SLC20A2: variants seen among roughly 807,000 people sequenced by gnomAD.
The protein encoded by SLC20A2 is solute carrier family 20 member 2.
SLC20A2 carries 30 observed loss-of-function variants against 61.0 expected under a neutral mutation model. The ratio of observed to expected loss-of-function variants is 0.49; its 90% CI spans 0.37 to 0.67. The LOEUF is 0.67. Among genes scored for constraint, SLC20A2 ranks in the 30% least tolerant of loss-of-function variants. The probability of loss-of-function intolerance (pLI) is 0.00; values close to 1 mark genes in which losing one functional copy is unlikely to be tolerated. For synonymous variants in SLC20A2, 351 were observed against 353.3 expected (o/e 0.99, Z 0.07); for missense variants, 626 against 866.4 (o/e 0.72, Z 3.48).
chr8:42,467,612 A>G (rs1807276581), intron 2 of SLC20A2, among the ~76,000 whole-genome samples: 1 of 152,210 alleles, frequency 6.6e-6, no homozygotes, highest in Non-Finnish European at 1.5e-5. Flanking sequence ...TGCAGGACCC[A>G]GTCCATGAAG....
Position 42,457,902 on chromosome 8 carries a change from T to C in SLC20A2, c.613+1994A>G, listed in dbSNP as rs530528095. 2.0e-5 allele frequency among the ~76,000 whole-genome samples: 3 copies of C among 152,298 alleles called. No homozygotes were observed. The South Asian group carries it at 6.2e-4, about 32-fold the overall frequency. On this transcript the variant is annotated intron_variant, in intron 5 of 10. Transcript: ENST00000520262. Reference sequence around the variant, plus strand: ...ATTCCCAGTACTGAAACATATAAAATATAATTAGATATTCTTAATAAAATC... The same window carrying C: ...ATTCCCAGTACTGAAACATATAAAACATAATTAGATATTCTTAATAAAATC...
chr8:42,451,511 TGA>T (rs1805647822), intron 5 of SLC20A2, among the ~76,000 whole-genome samples: 3 of 101,526 alleles, frequency 3.0e-5, no homozygotes, highest in East Asian at 3.0e-4. Flanking sequence ...AAGGAAGAGA[TGA>T]GGAGGAGGAG....
chr8:42,458,951 C>CCT (rs1331860200), intron 5 of SLC20A2, among the ~76,000 whole-genome samples: 1 of 134,228 alleles, frequency 7.5e-6, no homozygotes, highest in East Asian at 2.5e-4. Flanking sequence ...CCCCCCCCCC[C>CCT]ACAAAAAACC....
intron 1 of SLC20A2, among the ~76,000 whole-genome samples, chr8:42,531,131 G>A (rs1399545666): frequency 6.6e-6 from 1 of 152,160 alleles, no homozygotes; most frequent in Non-Finnish European, 1.5e-5. Flanking sequence ...ATTCAACTGT[G>A]AGCCTCCAGA....
rs538953691 is a variant in SLC20A2, at chr8:42,528,699, G to A, written c.-265+13122C>T. Reference sequence around the variant, plus strand: ...TTAATTTTTTTTGAGATGGAGTTTCGCTCATTGCCCAGGCTGGAGTGCAGT... The same window carrying A: ...TTAATTTTTTTTGAGATGGAGTTTCACTCATTGCCCAGGCTGGAGTGCAGT... On this transcript the variant is annotated intron_variant, in intron 1 of 10. Coordinates refer to the SLC20A2 transcript ENST00000342228. Among the ~76,000 whole-genome samples the A allele has an allele frequency of 2.0e-5, 3 of 151,376 alleles. No homozygotes were observed. In the South Asian group the frequency reaches 6.3e-4, roughly 32 times the overall value.
At chr8:42,451,576 A>G (rs1425540526) in intron 5 of SLC20A2, among the ~76,000 whole-genome samples, 5 of 128,882 alleles carry the variant, frequency 3.9e-5, no homozygotes, top group African/African-American at 1.5e-4. Context: ...GAAGAGATGA[A>G]GAGGAAGAGG....
chr8:42,523,003 G>A (rs1811685569), intron 1 of SLC20A2, among the ~76,000 whole-genome samples: 2 of 151,948 alleles, frequency 1.3e-5, no homozygotes, highest in African/African-American at 4.8e-5. Context: ...GGGATTGCGG[G>A]TATGCACCAC....
At chr8:42,535,363 C>T (rs1812637031) in intron 1 of SLC20A2, 1 of 150,870 alleles carries the variant, frequency 6.6e-6, no homozygotes, top group Non-Finnish European at 1.5e-5. Context: ...TGAAAATCAA[C>T]TAGATTAAAA....
chr8:42,503,387 T>G (rs1810440330), upstream of SLC20A2, among the ~76,000 whole-genome samples: 1 of 152,202 alleles, frequency 6.6e-6, no homozygotes. Context: ...TATGGGATCT[T>G]TAGTTCAACG....
At chr8:42,497,663 T>C (rs146243349) in intron 1 of SLC20A2, among the ~76,000 whole-genome samples, 3 of 151,846 alleles carry the variant, frequency 2.0e-5, no homozygotes, top group East Asian at 1.9e-4. Flanking sequence ...GGCTAAATAA[T>C]AGAAGTTCCC....
intron 1 of SLC20A2, among the ~76,000 whole-genome samples, chr8:42,510,362 T>C (rs11993078): frequency 0.025 from 3,812 of 152,266 alleles, 119 homozygotes; most frequent in African/African-American, 0.073. Context: ...AGGCTTATTG[T>C]CAATTCTGTA....
intron 5 of SLC20A2, among the ~76,000 whole-genome samples, chr8:42,456,831 T>TGA (rs894721068): frequency 3.3e-5 from 5 of 152,186 alleles, no homozygotes; most frequent in Middle Eastern, 3.4e-3. Flanking sequence ...CCTGGCATTA[T>TGA]GAGATGTTTG....
chr8:42,491,008 CA>C (rs1174106371), intron 1 of SLC20A2, among the ~76,000 whole-genome samples: 8 of 151,928 alleles, frequency 5.3e-5, no homozygotes, highest in African/African-American at 1.7e-4. Flanking sequence ...AACAAGCAAA[CA>C]AAAAAACAAG....
At chr8:42,426,826 A>G (rs1284635826) in intron 10 of SLC20A2, among the ~76,000 whole-genome samples, 1 of 152,250 alleles carries the variant, frequency 6.6e-6, no homozygotes, top group Non-Finnish European at 1.5e-5. Flanking sequence ...GTTTAAAAGC[A>G]TTCCAAAAGA....
chr8:42,494,019 A>G (rs1809724648), intron 1 of SLC20A2, among the ~76,000 whole-genome samples: 1 of 152,152 alleles, frequency 6.6e-6, no homozygotes, highest in Non-Finnish European at 1.5e-5. Flanking sequence ...GGTGTGTGCC[A>G]GTAGTCCCAG....
At chr8:42,530,699 A>G (rs1426671742) in intron 1 of SLC20A2, among the ~76,000 whole-genome samples, 1 of 152,168 alleles carries the variant, frequency 6.6e-6, no homozygotes, top group Non-Finnish European at 1.5e-5. Context: ...TGAGGTGACT[A>G]ACTATAAATA....
At chr8:42,503,802 T>C (rs140250615), upstream of SLC20A2, among the ~76,000 whole-genome samples, 93 of 152,326 alleles carry the variant, frequency 6.1e-4, no homozygotes, top group African/African-American at 2.1e-3. Context: ...ACAGCTTTTC[T>C]ACAACATGTA....
At chr8:42,525,581 CAAAAAAAAA>C (rs34356863) in intron 1 of SLC20A2, among the ~76,000 whole-genome samples, 3 of 68,722 alleles carry the variant, frequency 4.4e-5, no homozygotes, top group Non-Finnish European at 8.1e-5. Flanking sequence ...GACTCTGTCT[CAAAAAAAAA>C]AAAAAAAAAA....
chr8:42,447,609 T>C (rs1214998011), intron 5 of SLC20A2, among the ~76,000 whole-genome samples: 9 of 151,970 alleles, frequency 5.9e-5, no homozygotes, highest in Non-Finnish European at 1.3e-4. Context: ...ACCCGGAAGG[T>C]GGAGCTGCAG....
Sources: allele counts gnomAD v4.1 joint callset (sites outside exome capture counted in the v4.1 genomes callset), GRCh38; gene constraint gnomAD v4.1.1; transcripts MANE v1.5; gene names NCBI Gene and HGNC (gene_info 2026-07-23, HGNC 2026-07-21).